Variants in ARMC2 observed in about 807,000 individuals in gnomAD.
ARMC2 encodes armadillo repeat containing 2, also known as armadillo repeat-containing protein 2.
A neutral mutation model predicts 90.3 loss-of-function variants in ARMC2; 67 were observed. The ratio of observed to expected loss-of-function variants is 0.74; its 90% CI spans 0.61 to 0.91. The LOEUF is 0.91. Among genes scored for constraint, ARMC2 ranks in the 40% least tolerant of loss-of-function variants. The pLI is 0.00. For synonymous variants in ARMC2, 393 were observed against 393.0 expected, an observed-to-expected ratio of 1.00 and a Z score of 0.00; for missense variants, 920 against 1,030.9, an observed-to-expected ratio of 0.89 and a Z score of 1.47.
rs140340203 is a variant in ARMC2, at chr6:108,953,041, C to T, written c.1605C>T (p.Val535=). The change falls in exon 13 of 18, where the codon GTC becomes GTT. Residue 535 remains valine (V), a synonymous_variant. Transcript: ENST00000392644. ...TCTTTCGTTTATTGCAGGATTTAGT[C>T]GTCCGTGTTGTTTTTATTCTTGGCA... is the stretch of plus-strand genomic sequence containing the variant. ...INKYQKKQDL[V]VRVVFILGNL... 5,229 of 1,607,262 alleles carry T rather than the reference C, an allele frequency of 3.3e-3. 10 individuals carry two copies. Among genetic ancestry groups the T allele is most frequent in the Non-Finnish European group, 4.1e-3 (4,830 of 1,176,268 alleles).
intron 3 of ARMC2, among the ~76,000 whole-genome samples, chr6:108,859,114 A>G (rs1774954799): frequency 6.6e-6 from 1 of 152,184 alleles, no homozygotes; most frequent in Non-Finnish European, 1.5e-5. Context: ...TGGCATTAAT[A>G]ATTGCCTTAC....
chr6:108,990,771 A>G, the ARMC2 span: 1 of 1,614,134 alleles, frequency 6.2e-7, no homozygotes. Context: ...TTCATCAATC[A>G]ACTGTCCCAC....
At chr6:108,888,082 C>A (rs1770544242) in intron 5 of ARMC2, among the ~76,000 whole-genome samples, 1 of 152,188 alleles carries the variant, frequency 6.6e-6, no homozygotes, top group Non-Finnish European at 1.5e-5. Context: ...TCAAGCCATA[C>A]TACCTTTGGC....
chr6:109,035,455 G>A, the ARMC2 span, among the ~76,000 whole-genome samples: 76 of 152,008 alleles, frequency 5.0e-4, 1 homozygote, highest in Non-Finnish European at 4.3e-4. Flanking sequence ...GACATATGGA[G>A]TAGGTAGGAA....
chr6:109,049,845 A>G, the ARMC2 span, among the ~76,000 whole-genome samples: 596 of 152,160 alleles, frequency 3.9e-3, 3 homozygotes, highest in African/African-American at 0.014. Flanking sequence ...AATTCTCAAG[A>G]AAGTTGCATC....
intron 2 of ARMC2, 139 bp downstream of exon 2, chr6:108,854,624 A>C (rs1264310783): frequency 2.5e-6 from 2 of 810,736 alleles, no homozygotes. Flanking sequence ...AATTGAGTGG[A>C]AGGTACAGAG....
chr6:108,909,005 G>C (rs548222201), intron 8 of ARMC2, among the ~76,000 whole-genome samples: 2 of 152,234 alleles, frequency 1.3e-5, no homozygotes, highest in East Asian at 3.8e-4. Context: ...AGGAAGCAGA[G>C]ATTGCAATGA....
intron 10 of ARMC2, among the ~76,000 whole-genome samples, chr6:108,914,482 G>A (rs1224333930): frequency 1.3e-5 from 2 of 152,092 alleles, no homozygotes; most frequent in Non-Finnish European, 2.9e-5. Flanking sequence ...AGTGGGCTCT[G>A]TCATTGTCTC....
chr6:109,049,477 G>C, the ARMC2 span, among the ~76,000 whole-genome samples: 7 of 151,922 alleles, frequency 4.6e-5, no homozygotes, highest in African/African-American at 1.7e-4. Context: ...TAGCAATGTA[G>C]GATAACTATA....
At position 108,941,832 on chromosome 6, in the gene ARMC2, A is replaced by G. The variant is rs927638636; in HGVS notation, c.1596+4833A>G. 3.3e-5 allele frequency among the ~76,000 whole-genome samples: 5 copies of G among 152,220 alleles called. 1 individual carries two copies. Among genetic ancestry groups the G allele is most frequent in the Non-Finnish European group, 7.3e-5 (5 of 68,036 alleles). ...TCATGTTTTTAACTTTTAAAAAATT[A>G]TACTTTGACTCAATACTTTTACTTA... On this transcript the variant is annotated intron_variant, in intron 12 of 17. Transcript: ENST00000392644.
At chr6:108,897,294 T>C (rs900043167) in intron 6 of ARMC2, among the ~76,000 whole-genome samples, 3 of 152,210 alleles carry the variant, frequency 2.0e-5, no homozygotes, top group Admixed American at 2.0e-4. Flanking sequence ...CTAAAATCCA[T>C]ATGTTCCTGC....
chr6:109,021,714 G>A, the ARMC2 span, among the ~76,000 whole-genome samples: 1 of 151,770 alleles, frequency 6.6e-6, no homozygotes, highest in African/African-American at 2.4e-5. Context: ...TGGGATTATA[G>A]GCATGAGCCA....
intron 12 of ARMC2, among the ~76,000 whole-genome samples, chr6:108,941,981 C>G (rs762464002): frequency 2.0e-5 from 3 of 151,976 alleles, no homozygotes; most frequent in Non-Finnish European, 4.4e-5. Context: ...AGAGTTTAGG[C>G]TACAAGGAAG....
chr6:108,964,104 C>T (rs1778189260), intron 15 of ARMC2, 76 bp from the exon 16 acceptor site: 21 of 1,528,970 alleles, frequency 1.4e-5, no homozygotes, highest in Non-Finnish European at 1.9e-5. Flanking sequence ...CCCGTTTCCC[C>T]ATACCATCTG....
chr6:108,998,871 A>C, the ARMC2 span: 3 of 1,253,524 alleles, frequency 2.4e-6, no homozygotes, highest in Non-Finnish European at 3.2e-6. Flanking sequence ...GCCTAGCATA[A>C]AATTATCATT....
chr6:108,991,074 AACAACAAC>A, the ARMC2 span, among the ~76,000 whole-genome samples: 3 of 107,678 alleles, frequency 2.8e-5, no homozygotes, highest in South Asian at 3.3e-4. Flanking sequence ...CTCAAAAAAA[AACAACAAC>A]AAAAAAAAAC....
At chr6:109,018,853 T>C in the ARMC2 span, among the ~76,000 whole-genome samples, 2 of 152,162 alleles carry the variant, frequency 1.3e-5, no homozygotes, top group Non-Finnish European at 1.5e-5. Flanking sequence ...TCTCTGAACA[T>C]GTAGAGCACG....
chr6:108,906,477 T>G (rs556399864), intron 8 of ARMC2, among the ~76,000 whole-genome samples: 5 of 134,776 alleles, frequency 3.7e-5, no homozygotes, highest in Non-Finnish European at 6.4e-5. Context: ...GTGCCAACAT[T>G]TTTTTTTTTT....
the ARMC2 span, among the ~76,000 whole-genome samples, chr6:108,980,150 T>C: frequency 2.0e-5 from 3 of 152,162 alleles, no homozygotes; most frequent in African/African-American, 7.2e-5. Context: ...TGGTCTTTGA[T>C]GTTGGTGTCC....
Sources: allele counts gnomAD v4.1 joint callset (sites outside exome capture counted in the v4.1 genomes callset), GRCh38; gene constraint gnomAD v4.1.1; transcripts MANE v1.5; gene names NCBI Gene and HGNC (gene_info 2026-07-23, HGNC 2026-07-21).